Variants in TRPC7 observed in about 807,000 individuals in gnomAD.
TRPC7 encodes the protein transient receptor potential cation channel subfamily C member 7.
In TRPC7, 42 loss-of-function variants were observed where a neutral mutation model predicts 90.1. That is an observed-to-expected ratio of 0.47 (90% confidence interval 0.36 to 0.60). The LOEUF is 0.60. Ranked by LOEUF, TRPC7 falls within the 20% of genes least tolerant of loss-of-function variation. TRPC7 has a pLI of 0.00. For missense variants in TRPC7, 955 were observed against 1,112.3 expected, an observed-to-expected ratio of 0.86 and a Z score of 2.01; for synonymous variants, 451 against 436.3, an observed-to-expected ratio of 1.03 and a Z score of -0.42.
At chr5:136,322,040 A>T (rs1363914426) in intron 2 of TRPC7, among the ~76,000 whole-genome samples, 3 of 151,312 alleles carry the variant, frequency 2.0e-5, no homozygotes, top group South Asian at 4.2e-4. Flanking sequence ...TTTAAGACGG[A>T]GTTTCACTCT....
At chr5:136,361,684 C>T (rs1760573469) in intron 1 of TRPC7, among the ~76,000 whole-genome samples, 1 of 152,132 alleles carries the variant, frequency 6.6e-6, no homozygotes, top group African/African-American at 2.4e-5. Flanking sequence ...ATTATCCAAG[C>T]TTAAAATCAA....
rs1325954645 is a variant in TRPC7, at chr5:136,365,442, A to T, written c.-188T>A. 3 of 627,496 alleles carry T rather than the reference A, an allele frequency of 4.8e-6. No homozygotes were observed. The highest frequency in any genetic ancestry group is 8.4e-6 in the Non-Finnish European group (3 of 357,798). The allele number at this position is 627,496 out of a possible 1,614,324, so 38.9% of individuals were successfully genotyped here. ...CGCGCTCCTCTGTTCTTTGTGTTGC[A>T]GTGGTAAAAACTCGCCTTCCGAGGC... On this transcript the variant is annotated 5_prime_UTR_variant, in exon 1 of 12. Coordinates refer to ENST00000513104, the MANE Select transcript of TRPC7 (RefSeq NM_020389.3).
intron 4 of TRPC7, among the ~76,000 whole-genome samples, 163 bp from the exon 5 acceptor site, chr5:136,266,599 G>A (rs1014718873): frequency 2.0e-5 from 3 of 152,168 alleles, no homozygotes; most frequent in African/African-American, 7.2e-5. Flanking sequence ...TATTATGTGA[G>A]ATGCTGCTTG....
At chr5:136,319,784 C>G (rs1684641826) in intron 2 of TRPC7, among the ~76,000 whole-genome samples, 2 of 152,154 alleles carry the variant, frequency 1.3e-5, no homozygotes, top group Admixed American at 1.3e-4. Context: ...CACTTGGCTT[C>G]CAGAATAACA....
chr5:136,262,616 A>G (rs1756894984), intron 5 of TRPC7, among the ~76,000 whole-genome samples: 1 of 152,220 alleles, frequency 6.6e-6, no homozygotes, highest in Non-Finnish European at 1.5e-5. Context: ...TTTAGGCTTG[A>G]TAATGTTTTT....
intron 5 of TRPC7, 44 bp downstream of exon 5, chr5:136,266,176 C>T (rs1393613055): frequency 1.3e-6 from 2 of 1,529,660 alleles, no homozygotes; most frequent in South Asian, 2.2e-5. Flanking sequence ...TAATGTCCTA[C>T]TATAATTAGC....
chr5:136,324,027 T>C (rs1759274719), intron 2 of TRPC7, among the ~76,000 whole-genome samples: 1 of 152,162 alleles, frequency 6.6e-6, no homozygotes, highest in Non-Finnish European at 1.5e-5. Context: ...AGTTTTCACA[T>C]ATGTTTTATA....
At chr5:136,335,252 T>C (rs1015045730) in intron 2 of TRPC7, among the ~76,000 whole-genome samples, 8 of 152,090 alleles carry the variant, frequency 5.3e-5, no homozygotes, top group Non-Finnish European at 1.0e-4. Flanking sequence ...TCCCAAGTGG[T>C]CATCTACCCT....
intron 5 of TRPC7, among the ~76,000 whole-genome samples, chr5:136,261,420 C>A (rs1756854604): frequency 6.6e-6 from 1 of 152,194 alleles, no homozygotes; most frequent in South Asian, 2.1e-4. Flanking sequence ...ACTGTGCTGT[C>A]AACTCCACCT....
intron 7 of TRPC7, among the ~76,000 whole-genome samples, chr5:136,245,904 C>T (rs553532144): frequency 9.1e-4 from 138 of 152,184 alleles, no homozygotes; most frequent in Non-Finnish European, 1.7e-3. Flanking sequence ...TTAAGTTCAC[C>T]GGCCAGTATA....
chr5:136,263,520 A>C (rs569457103), intron 5 of TRPC7, among the ~76,000 whole-genome samples: 94 of 152,360 alleles, frequency 6.2e-4, no homozygotes, highest in African/African-American at 2.2e-3. Context: ...GAAATGATGG[A>C]GTTAGGAGTC....
intron 2 of TRPC7, among the ~76,000 whole-genome samples, chr5:136,320,849 C>T (rs1242186192): frequency 1.3e-5 from 2 of 152,172 alleles, no homozygotes; most frequent in African/African-American, 4.8e-5. Context: ...AAAAGTGTGG[C>T]TCCTCCACTC....
In TRPC7 at chr5:136,365,278, TTCC is replaced by T; in HGVS notation, c.-27_-25del. ...ATTGAGGGTGTAATACGCAGGCTTG[TTCC>T]TCCTCTAGATGACCGGAATCCGGTG... On this transcript the variant is annotated 5_prime_UTR_variant, in exon 1 of 12. Coordinates refer to ENST00000513104, the MANE Select transcript of TRPC7 (RefSeq NM_020389.3). 6.5e-7 allele frequency: 1 copy of T among 1,537,162 alleles called. No homozygotes were observed. The highest frequency in any genetic ancestry group is 8.7e-7 in the Non-Finnish European group (1 of 1,146,850).
intron 10 of TRPC7, 116 bp from the exon 11 acceptor site, chr5:136,216,391 C>G (rs1320271482): frequency 1.3e-6 from 1 of 792,554 alleles, no homozygotes; most frequent in African/African-American, 1.7e-5. Context: ...TGGCGACCCT[C>G]CCATGCCTGG....
At chr5:136,342,157 C>G (rs1266546216) in intron 2 of TRPC7, among the ~76,000 whole-genome samples, 3 of 152,120 alleles carry the variant, frequency 2.0e-5, no homozygotes, top group Non-Finnish European at 4.4e-5. Context: ...GAAATATAGC[C>G]TCAACTAAGA....
chr5:136,290,710 A>G (rs1376804530), intron 3 of TRPC7, among the ~76,000 whole-genome samples: 1 of 152,180 alleles, frequency 6.6e-6, no homozygotes, highest in Non-Finnish European at 1.5e-5. Flanking sequence ...AAGTTGGAAA[A>G]CACTCTGCAG....
intron 10 of TRPC7, among the ~76,000 whole-genome samples, chr5:136,217,658 G>A (rs1486773364): frequency 6.6e-6 from 1 of 152,174 alleles, no homozygotes; most frequent in Admixed American, 6.5e-5. Flanking sequence ...CGGTTAAACT[G>A]CAGCGCTGAA....
chr5:136,331,187 C>G (rs1271678454), intron 2 of TRPC7, among the ~76,000 whole-genome samples: 1 of 152,166 alleles, frequency 6.6e-6, no homozygotes, highest in African/African-American at 2.4e-5. Context: ...GGAGCTGAAG[C>G]ACACATAACA....
intron 3 of TRPC7, among the ~76,000 whole-genome samples, chr5:136,303,384 A>G (rs553617277): frequency 6.6e-6 from 1 of 152,248 alleles, no homozygotes; most frequent in South Asian, 2.1e-4. Flanking sequence ...AAACCCCACA[A>G]CAGGACTTAG....
Sources: gnomAD v4.1 joint callset for allele counts (sites outside exome capture counted in the v4.1 genomes callset) on GRCh38, gnomAD v4.1.1 for gene constraint, MANE v1.5 for transcripts, NCBI Gene and HGNC (gene_info 2026-07-23, HGNC 2026-07-21) for gene names.